Variants in CYP3A5 observed in about 807,000 individuals in gnomAD.
The protein encoded by CYP3A5 is cytochrome P450 3A5.
Under a neutral mutation model 55.9 loss-of-function variants are expected in CYP3A5, and 51 were observed. The observed-to-expected ratio is 0.91, with a 90% CI of 0.73 to 1.15. The LOEUF (loss-of-function observed/expected upper bound fraction) is 1.15, where lower values mean the gene tolerates loss of function less well. Ranked by LOEUF, CYP3A5 falls within the 50% of genes most tolerant of loss-of-function variation. The probability of loss-of-function intolerance (pLI) is 0.00; values close to 1 mark genes in which losing one functional copy is unlikely to be tolerated. For missense variants in CYP3A5, 533 were observed against 596.6 expected (o/e 0.89, Z 1.11); for synonymous variants, 196 against 213.9 (o/e 0.92, Z 0.73).
chr7:99,660,902 C>A (rs1444780427), intron 9 of CYP3A5, among the ~76,000 whole-genome samples: 1 of 152,190 alleles, frequency 6.6e-6, no homozygotes, highest in Admixed American at 6.5e-5. Context: ...CTCATCATGG[C>A]ATCCCAGCAC....
rs1809031865 is a variant in CYP3A5 at position 99,650,187 on chromosome 7, G to T, written c.1299C>A (p.Pro433=). The T allele has an allele frequency of 1.2e-6, 2 of 1,613,960 alleles. No homozygotes were observed. Among genetic ancestry groups the T allele is most frequent in the Admixed American group, 3.3e-5 (2 of 60,002 alleles). Residue 433 remains proline (P), a synonymous_variant, in exon 12 of 13, where the codon CCC becomes CCA. Coordinates refer to ENST00000222982, the MANE Select transcript of CYP3A5 (RefSeq NM_000777.5). Reference sequence around the variant, plus strand: ...TGCAGTTTCTGGGTCCAGTTCCAAAGGGTGTGTATATGTAAGGATCTATGC... The same window carrying T: ...TGCAGTTTCTGGGTCCAGTTCCAAATGGTGTGTATATGTAAGGATCTATGC... ...KDSIDPYIYT[P]FGTGPRNCIG...
intron 11 of CYP3A5, among the ~76,000 whole-genome samples, chr7:99,651,947 T>C (rs1332787810): frequency 6.6e-6 from 1 of 152,184 alleles, no homozygotes; most frequent in Non-Finnish European, 1.5e-5. Context: ...CCATTAGGGA[T>C]GAGGACTTCT....
At chr7:99,658,499 C>G (rs1810023562) in intron 10 of CYP3A5, among the ~76,000 whole-genome samples, 1 of 152,036 alleles carries the variant, frequency 6.6e-6, no homozygotes, top group Non-Finnish European at 1.5e-5. Context: ...ACCTTTCTCT[C>G]TGGCTGCCCT....
intron 3 of CYP3A5, among the ~76,000 whole-genome samples, chr7:99,673,508 A>G (rs1166238214): frequency 2.6e-5 from 4 of 152,242 alleles, no homozygotes. Flanking sequence ...AAATATTTGT[A>G]TATCCTTCTA....
At chr7:99,658,727 C>A (rs562877510) in intron 10 of CYP3A5, 1 of 152,178 alleles carries the variant, frequency 6.6e-6, no homozygotes, top group African/African-American at 2.4e-5. Flanking sequence ...ACCAATCAGA[C>A]GTAGATTTGG....
rs772471367 is a variant in CYP3A5 at position 99,664,072 on chromosome 7, CTG to C, written c.692_693del (p.Pro231ArgfsTer3). 2.5e-6 allele frequency: 4 copies of C among 1,591,402 alleles called. No individual in the cohort carries two copies. Among genetic ancestry groups the C allele is most frequent in the Non-Finnish European group, 2.6e-6 (3 of 1,174,728 alleles). The stretch of plus-strand genomic sequence containing the variant: ...AGAGAGACATTTAATGCTTCAAAAA[CTG>C]GGGTAAGGAATGGAAAGAGTACTGT... ...LSIILFPFLT[P>X]VFEALNVSLF... is the part of the protein sequence containing the mutation. On this transcript the variant is annotated frameshift_variant, in exon 8 of 13. Coordinates refer to ENST00000222982, the MANE Select transcript of CYP3A5 (RefSeq NM_000777.5). LOFTEE classifies it high-confidence loss of function.
intron 5 of CYP3A5, 32 bp from the exon 6 acceptor site, chr7:99,666,721 A>C: frequency 1.2e-6 from 2 of 1,613,964 alleles, no homozygotes; most frequent in Non-Finnish European, 1.7e-6. Context: ...ACCTGTAGTT[A>C]AATGTGCAGA....
In CYP3A5 at chr7:99,666,983, G is replaced by A; in HGVS notation, c.401C>T (p.Ser134Phe). The A allele has an allele frequency of 6.2e-7, 1 of 1,614,030 alleles. No individual in the cohort carries two copies. The highest frequency in any genetic ancestry group is 8.5e-7 in the Non-Finnish European group (1 of 1,179,964). The change falls in exon 5 of 13, where the codon TCT becomes TTT. Residue 134 changes from serine (S) to phenylalanine (F), a missense_variant. Transcript: ENST00000222982. ...GAGTTTTCCGCTGGTGAAGGTTGGA[G>A]ACAGCAATGACCGTATTCTCTTCCA... is the stretch of plus-strand genomic sequence containing the variant. ...EEWKRIRSLLSPTFTSGKLKE... is the reference protein window; with the variant it reads ...EEWKRIRSLLFPTFTSGKLKE...
At position 99,664,022 on chromosome 7, in the gene CYP3A5, A is replaced by C. The variant is rs1264481737; in HGVS notation, c.744T>G (p.Phe248Leu). ...VSLFPKDTIN[F>L]LSKSVNRMKK... ...TCATTCTGTTTACAGATTTACTTAA[A>C]AAATTTATGGTATCTTTTGGAAACA... Residue 248 changes from phenylalanine (F) to leucine (L), a missense_variant, in exon 8 of 13, where the codon TTT (phenylalanine) becomes TTG (leucine). By Grantham distance (22) the Phe-to-Leu change is conservative. Transcript: ENST00000222982. 5 of 1,600,620 alleles carry C rather than the reference A, an allele frequency of 3.1e-6. No individual in the cohort carries two copies. In the African/African-American group the frequency reaches 5.4e-5, roughly 17 times the overall value.
chr7:99,650,247 G>T lies in CYP3A5; in HGVS notation c.1254-15C>A, dbSNP rs1005067000. 2 of 1,610,132 alleles carry T rather than the reference G, an allele frequency of 1.2e-6. No individual in the cohort carries two copies. Among genetic ancestry groups the T allele is most frequent in the Admixed American group, 1.7e-5 (1 of 59,670 alleles). ...TCTTACTGAACCTAGTTCCATATTG[G>T]TAGATTAAATAGTTAATGAAACATA... On this transcript the variant is annotated splice_polypyrimidine_tract_variant and intron_variant, in intron 11 of 12. Transcript: ENST00000222982.
At chr7:99,668,953 A>C (rs1811310947) in intron 4 of CYP3A5, among the ~76,000 whole-genome samples, 1 of 152,216 alleles carries the variant, frequency 6.6e-6, no homozygotes. Context: ...TGTAGATGAT[A>C]GGTGTTTAAT....
rs1217299321 is a variant in CYP3A5 at position 99,679,717 on chromosome 7, A to G, written c.71+109T>C. ...GTTTGTAGCGTCCAACACTTCAGCT[A>G]CTTCTCCTTGAACATCTCTTTTGAT... is the stretch of plus-strand genomic sequence containing the variant. On this transcript the variant is annotated intron_variant, in intron 1 of 12. Coordinates refer to ENST00000222982, the MANE Select transcript of CYP3A5 (RefSeq NM_000777.5). The G allele has an allele frequency of 2.5e-5, 26 of 1,023,112 alleles. No individual in the cohort carries two copies. In the South Asian group the frequency reaches 3.3e-4, roughly 13 times the overall value. 63.4% of individuals were successfully genotyped at this position (1,023,112 alleles called of 1,614,324 possible).
At chr7:99,677,970 T>C (rs1437334837) in intron 1 of CYP3A5, among the ~76,000 whole-genome samples, 1 of 152,208 alleles carries the variant, frequency 6.6e-6, no homozygotes, top group Non-Finnish European at 1.5e-5. Context: ...GCGAACTCTT[T>C]AGTTTCTTTC....
chr7:99,676,000 A>G, intron 2 of CYP3A5, 115 bp downstream of exon 2: 1 of 857,652 alleles, frequency 1.2e-6, no homozygotes, highest in Admixed American at 2.2e-5. Flanking sequence ...CAGTCCCACC[A>G]TTTCTGAAAA....
At chr7:99,660,339 A>T (rs544200316) in intron 10 of CYP3A5, 160 bp downstream of exon 10, 3 of 1,284,462 alleles carry the variant, frequency 2.3e-6, no homozygotes, top group Non-Finnish European at 3.0e-6. Context: ...ACCGTTCTCT[A>T]TGTTTCTCCC....
intron 11 of CYP3A5, 33 bp downstream of exon 11, chr7:99,652,520 C>A (rs376552289): frequency 1.3e-6 from 2 of 1,500,214 alleles, no homozygotes; most frequent in Non-Finnish European, 1.8e-6. Context: ...CAGCCTGGGT[C>A]AGGGTGAGCT....
chr7:99,658,978 T>G (rs1421527262), intron 10 of CYP3A5: 1 of 152,190 alleles, frequency 6.6e-6, no homozygotes, highest in African/African-American at 2.4e-5. Context: ...TAGTTAGCCA[T>G]TTGTCTAATC....
At chr7:99,672,531 T>C in intron 4 of CYP3A5, 49 bp downstream of exon 4, 1 of 1,486,126 alleles carries the variant, frequency 6.7e-7, no homozygotes, top group Non-Finnish European at 9.4e-7. Flanking sequence ...AAATAAAAAT[T>C]TAATCAGTGG....
rs3063934 is a variant in CYP3A5 at position 99,653,450 on chromosome 7, C to CAAATAAATAAATAAAT, written c.1027-687_1027-672dup. Among the ~76,000 whole-genome samples, 728 of 145,480 alleles carry CAAATAAATAAATAAAT rather than the reference C, an allele frequency of 5.0e-3. 7 individuals carry two copies. The highest frequency in any genetic ancestry group is 0.015 in the African/African-American group (600 of 39,112). On this transcript the variant is annotated intron_variant, in intron 10 of 12. Transcript: ENST00000222982. This position sits in a 1 kb window ranked among gnomAD's most constrained non-coding sequence, Gnocchi z 4.2. ...TGGGTCGTAGAGTCAGACCCTGTCT[C>CAAATAAATAAATAAAT]AAATAAATAAATAAATAAATAAATA...
Sources: gnomAD v4.1 joint callset for allele counts (sites outside exome capture counted in the v4.1 genomes callset) on GRCh38, gnomAD v4.1.1 for gene constraint, Gnocchi (gnomAD v3.1) non-coding constraint, MANE v1.5 for transcripts, NCBI Gene and HGNC (gene_info 2026-07-23, HGNC 2026-07-21) for gene names.